Variants in ATP2A3 observed in about 807,000 individuals in gnomAD.
ATP2A3 encodes the protein ATPase sarcoplasmic/endoplasmic reticulum Ca2+ transporting 3, also known as sarcoplasmic/endoplasmic reticulum calcium ATPase 3.
A neutral mutation model predicts 106.8 loss-of-function variants in ATP2A3; 61 were observed. The ratio of observed to expected loss-of-function variants is 0.57; its 90% CI spans 0.46 to 0.71. The LOEUF (loss-of-function observed/expected upper bound fraction) is 0.71. Ranked by LOEUF, ATP2A3 falls within the 30% of genes least tolerant of loss-of-function variation. The pLI, the probability that ATP2A3 is intolerant of heterozygous loss-of-function variation, is 0.00. For synonymous variants in ATP2A3, 611 were observed against 609.3 expected (o/e 1.00, Z -0.04); for missense variants, 1,201 against 1,423.5 (o/e 0.84, Z 2.52).
At chr17:3,937,174 C>T (rs1021053680) in intron 15 of ATP2A3, 21 of 562,356 alleles carry the variant, frequency 3.7e-5, no homozygotes, top group Admixed American at 1.5e-4. Flanking sequence ...GGCTGACAGG[C>T]GACTCTTCAG....
intron 1 of ATP2A3, among the ~76,000 whole-genome samples, chr17:3,954,479 A>G (rs943251874): frequency 1.6e-5 from 2 of 128,832 alleles, no homozygotes; most frequent in African/African-American, 6.0e-5. Flanking sequence ...AACAGCACCC[A>G]CCTCAATTGA....
rs1270061834 is a variant in ATP2A3 at position 3,958,801 on chromosome 17, T to TACAC, written c.119-5095_119-5092dup. On this transcript the variant is annotated intron_variant, in intron 1 of 20. Transcript: ENST00000397041. ...ACACACATATATATACACATATATA[T>TACAC]ACACACATATATATATACACACATA... Among the ~76,000 whole-genome samples the TACAC allele has an allele frequency of 9.6e-4, 103 of 107,642 alleles. 2 individuals carry two copies. Among genetic ancestry groups the TACAC allele is most frequent in the African/African-American group, 3.3e-3 (93 of 28,098 alleles). 70.6% of individuals were successfully genotyped at this position (107,642 alleles called of 152,430 possible).
rs192047836 is a variant in ATP2A3 at position 3,953,658 on chromosome 17, C to A, written c.136+35G>T. 5 of 1,559,002 alleles carry A rather than the reference C, an allele frequency of 3.2e-6. No homozygotes were observed. The African/African-American group carries it at 4.1e-5, about 13-fold the overall frequency. ...CAGAGAACGACCCAGGGATGCTGCC[C>A]GCGGCCTAGAGGTCCATCCCGGTGC... On this transcript the variant is annotated intron_variant, in intron 2 of 20. Transcript: ENST00000397041. The surrounding 1 kb of genome is among the most constrained non-coding windows in gnomAD (Gnocchi z 5.1).
rs2052601037 is a variant in ATP2A3 at position 3,924,446 on chromosome 17, GAGGCCA to G, written c.*970_*975del. ...GTGTCGTGGGGAGGGGGCAAGGAGTGAGGCCAAGAGTCCAGGAAGCCCACCAGGCTC... is the reference window on the plus strand; with the variant it reads ...GTGTCGTGGGGAGGGGGCAAGGAGTGAGAGTCCAGGAAGCCCACCAGGCTC... On this transcript the variant is annotated 3_prime_UTR_variant, in exon 21 of 21. Coordinates refer to ENST00000397041, the MANE Select transcript of ATP2A3 (RefSeq NM_005173.4). The surrounding 1 kb of genome is among the most constrained non-coding windows in gnomAD (Gnocchi z 6.4). 1 of 241,190 alleles carries G rather than the reference GAGGCCA, an allele frequency of 4.1e-6. No individual in the cohort carries two copies. Among genetic ancestry groups the G allele is most frequent in the East Asian group, 1.4e-4 (1 of 7,218 alleles). The allele number at this position is 241,190 out of a possible 1,614,324, so 14.9% of individuals were successfully genotyped here.
At chr17:3,960,768 G>C (rs1381340519) in intron 1 of ATP2A3, among the ~76,000 whole-genome samples, 1 of 152,218 alleles carries the variant, frequency 6.6e-6, no homozygotes, top group African/African-American at 2.4e-5. Context: ...CAGCCGTTCA[G>C]TCGGCACAAC....
At chr17:3,958,037 T>A (rs1409210231) in intron 1 of ATP2A3, among the ~76,000 whole-genome samples, 1 of 152,312 alleles carries the variant, frequency 6.6e-6, no homozygotes, top group South Asian at 2.1e-4. Flanking sequence ...CCTGCAGTCC[T>A]GGGAAAAGAG....
rs907165245 is a variant in ATP2A3, at chr17:3,924,573, G to A, written c.*849C>T. On this transcript the variant is annotated 3_prime_UTR_variant, in exon 21 of 21. Transcript: ENST00000397041. This position sits in a 1 kb window ranked among gnomAD's most constrained non-coding sequence, Gnocchi z 6.4. Reference sequence around the variant, plus strand: ...AACCTGAGGATGTCGGTGGTCTCAGGTACCAGGGACGCGGGTGGCAAGTTG... The same window carrying A: ...AACCTGAGGATGTCGGTGGTCTCAGATACCAGGGACGCGGGTGGCAAGTTG... 3 of 351,626 alleles carry A rather than the reference G, an allele frequency of 8.5e-6. No homozygotes were observed. The highest frequency in any genetic ancestry group is 1.7e-5 in the Non-Finnish European group (3 of 176,594). The allele number at this position is 351,626 out of a possible 1,614,324, so 21.8% of individuals were successfully genotyped here. A position where few individuals can be genotyped will look rare whatever the true frequency, so the allele number is the denominator to read the frequency against.
At chr17:3,934,517 C>T (rs1227974222) in intron 17 of ATP2A3, among the ~76,000 whole-genome samples, 2 of 132,808 alleles carry the variant, frequency 1.5e-5, no homozygotes, top group Non-Finnish European at 3.1e-5. Context: ...AGCCTCCCCT[C>T]GATTCTTTTT....
chr17:3,947,737 T>C lies in ATP2A3; in HGVS notation c.749A>G (p.Gln250Arg), dbSNP rs1166682952. 6.2e-7 allele frequency: 1 copy of C among 1,608,896 alleles called. No individual in the cohort carries two copies. Among genetic ancestry groups the C allele is most frequent in the South Asian group, 1.1e-5 (1 of 91,072 alleles). The change falls in exon 8 of 21, where the codon CAG becomes CGG. Residue 250 changes from glutamine (Q) to arginine (R), a missense_variant. Gln to Arg is a conservative substitution (Grantham distance 43). Around this residue, in one of 2 missense-constraint regions of ATP2A3, gnomAD observed 935 missense variants for 1,176.7 expected, o/e 0.79. Coordinates refer to ENST00000397041, the MANE Select transcript of ATP2A3 (RefSeq NM_005173.4). This position sits in a 1 kb window ranked among gnomAD's most constrained non-coding sequence, Gnocchi z 7.7. ...CCGTCCAAACTCGTCCAGCTTGCGC[T>C]GCAGCGGCGTCCGCTCGGGCTCGAC... ...AAVEPERTPL[Q>R]RKLDEFGRQL...
At chr17:3,960,492 G>T (rs1299316590) in intron 1 of ATP2A3, among the ~76,000 whole-genome samples, 1 of 152,328 alleles carries the variant, frequency 6.6e-6, no homozygotes, top group South Asian at 2.1e-4. Flanking sequence ...AGACCTCCTG[G>T]GATCTGCCCG....
chr17:3,924,930 G>A lies in ATP2A3; in HGVS notation c.*492C>T, dbSNP rs2052622909. On this transcript the variant is annotated 3_prime_UTR_variant, in exon 21 of 21. Coordinates refer to ENST00000397041, the MANE Select transcript of ATP2A3 (RefSeq NM_005173.4). The surrounding 1 kb of genome is among the most constrained non-coding windows in gnomAD (Gnocchi z 6.4). ...CAGATGGCCCCTTCTGATCCCCCAGGGCTGACCCAGTCCCAGACCAGGCAC... is the reference window on the plus strand; with the variant it reads ...CAGATGGCCCCTTCTGATCCCCCAGAGCTGACCCAGTCCCAGACCAGGCAC... The A allele has an allele frequency of 2.3e-6, 1 of 439,402 alleles. No homozygotes were observed. Among genetic ancestry groups the A allele is most frequent in the Admixed American group, 2.6e-5 (1 of 39,136 alleles). 27.2% of individuals were successfully genotyped at this position (439,402 alleles called of 1,614,324 possible).
At chr17:3,935,959 C>G (rs779965894) in intron 16 of ATP2A3, among the ~76,000 whole-genome samples, 1 of 152,274 alleles carries the variant, frequency 6.6e-6, no homozygotes, top group East Asian at 1.9e-4. Flanking sequence ...ACCGGGAGAG[C>G]AGCATGATAA....
At chr17:3,931,591 G>A (rs901452920) in intron 17 of ATP2A3, among the ~76,000 whole-genome samples, 1 of 149,672 alleles carries the variant, frequency 6.7e-6, no homozygotes, top group African/African-American at 2.5e-5. Context: ...GCATGATCTC[G>A]GCTCACTGCA....
chr17:3,951,545 C>CCCCCCCCCCCCCCG (rs1567715136), intron 4 of ATP2A3, 36 bp downstream of exon 4: 2 of 1,351,094 alleles, frequency 1.5e-6, no homozygotes, highest in Non-Finnish European at 2.0e-6. Context: ...GCTGGGAGAC[C>CCCCCCCCCCCCCCG]GCCCCCCGCC....
chr17:3,928,490 C>G lies in ATP2A3; in HGVS notation c.2980+173G>C, dbSNP rs1597562730. ...CTGCAGTGCAAGACCCTGCGGACAC[C>G]TTGGGACCCAGCCACCAGAGCCCCT... On this transcript the variant is annotated intron_variant, in intron 20 of 20. Transcript: ENST00000397041. This position sits in a 1 kb window ranked among gnomAD's most constrained non-coding sequence, Gnocchi z 6.1. The G allele has an allele frequency of 1.0e-6, 1 of 953,862 alleles. No individual in the cohort carries two copies. Among genetic ancestry groups the G allele is most frequent in the East Asian group, 2.6e-5 (1 of 38,104 alleles). 59.1% of individuals were successfully genotyped at this position (953,862 alleles called of 1,614,324 possible).
At chr17:3,944,181 G>A (rs1422110970) in intron 10 of ATP2A3, among the ~76,000 whole-genome samples, 2 of 152,206 alleles carry the variant, frequency 1.3e-5, no homozygotes, top group Non-Finnish European at 2.9e-5. Context: ...CCACACGGAA[G>A]CCTCAGTGAT....
At chr17:3,941,773 C>G in intron 12 of ATP2A3, 119 bp from the exon 13 acceptor site, 2 of 1,041,426 alleles carry the variant, frequency 1.9e-6, no homozygotes, top group South Asian at 2.7e-5. Flanking sequence ...AGGGTACACA[C>G]GCAAGGCAGG....
At chr17:3,931,566 A>G (rs569606115) in intron 17 of ATP2A3, among the ~76,000 whole-genome samples, 32,440 of 148,450 alleles carry the variant, frequency 0.22, 4,977 homozygotes, top group African/African-American at 0.44. Flanking sequence ...CTGTCACCCG[A>G]GCTGGAGTGC....
At chr17:3,958,694 C>T (rs2054923021) in intron 1 of ATP2A3, among the ~76,000 whole-genome samples, 1 of 144,590 alleles carries the variant, frequency 6.9e-6, no homozygotes, top group Admixed American at 7.0e-5. Context: ...ACCTTCTCCT[C>T]CTCATTCATA....
Sources: gnomAD v4.1 joint callset for allele counts (sites outside exome capture counted in the v4.1 genomes callset) on GRCh38, gnomAD v4.1.1 for gene constraint, gnomAD v4.1.1 regional missense constraint, Gnocchi (gnomAD v3.1) non-coding constraint, MANE v1.5 for transcripts, NCBI Gene and HGNC (gene_info 2026-07-23, HGNC 2026-07-21) for gene names.